Variants in SHISA9 observed in about 807,000 individuals in gnomAD.
SHISA9 encodes protein shisa-9.
A neutral mutation model predicts 38.0 loss-of-function variants in SHISA9; 13 were observed. The observed-to-expected ratio is 0.34, with a 90% CI of 0.22 to 0.54. SHISA9 has a LOEUF of 0.54. Ranked by LOEUF, SHISA9 falls within the 20% of genes least tolerant of loss-of-function variation. The pLI is 0.91. For synonymous variants in SHISA9, 275 were observed against 242.0 expected, an observed-to-expected ratio of 1.14 and a Z score of -1.27; for missense variants, 538 against 575.8, an observed-to-expected ratio of 0.93 and a Z score of 0.67.
chr16:13,122,689 T>C (rs1244366973), intron 2 of SHISA9, among the ~76,000 whole-genome samples: 1 of 152,212 alleles, frequency 6.6e-6, no homozygotes, highest in African/African-American at 2.4e-5. Context: ...GCACTGTGTT[T>C]GATGCATTAA....
At chr16:13,411,133 T>C in the SHISA9 span, among the ~76,000 whole-genome samples, 1 of 152,224 alleles carries the variant, frequency 6.6e-6, no homozygotes, top group East Asian at 1.9e-4. Context: ...ACTGGATGAT[T>C]TTAGCCAATC....
At chr16:13,131,197 A>C (rs892141623) in intron 2 of SHISA9, among the ~76,000 whole-genome samples, 5 of 152,360 alleles carry the variant, frequency 3.3e-5, no homozygotes, top group African/African-American at 1.2e-4. Context: ...ACAATAACAA[A>C]GACATGGAAT....
intron 1 of SHISA9, among the ~76,000 whole-genome samples, chr16:12,903,607 G>A (rs893248092): frequency 9.8e-5 from 15 of 152,322 alleles, no homozygotes; most frequent in Admixed American, 7.2e-4. Context: ...CTAAGCCCCC[G>A]GCCGCGGGAG....
At chr16:12,988,169 T>C (rs756659403) in intron 2 of SHISA9, among the ~76,000 whole-genome samples, 2 of 152,252 alleles carry the variant, frequency 1.3e-5, no homozygotes, top group African/African-American at 2.4e-5. Flanking sequence ...CAACAGGCAC[T>C]GTGACATTTC....
chr16:13,428,189 GTTTTTAT>G, the SHISA9 span, among the ~76,000 whole-genome samples: 1 of 81,730 alleles, frequency 1.2e-5, no homozygotes, highest in Admixed American at 1.8e-4. Flanking sequence ...ATATGGGATT[GTTTTTAT>G]TTGTTGTGGG....
chr16:13,209,283 A>G (rs560696518), intron 3 of SHISA9, among the ~76,000 whole-genome samples: 1 of 152,188 alleles, frequency 6.6e-6, no homozygotes, highest in Non-Finnish European at 1.5e-5. Flanking sequence ...AATTGCCCAC[A>G]TTTCATTTTG....
chr16:12,950,014 T>G (rs2071734330), intron 2 of SHISA9, among the ~76,000 whole-genome samples: 1 of 152,206 alleles, frequency 6.6e-6, no homozygotes, highest in South Asian at 2.1e-4. Context: ...TTTCCCCATT[T>G]CCACCTCCCC....
At chr16:13,220,290 G>A (rs151215530) in intron 4 of SHISA9, among the ~76,000 whole-genome samples, 13 of 152,232 alleles carry the variant, frequency 8.5e-5, no homozygotes, top group South Asian at 2.1e-4. Context: ...TCTGCTCCAT[G>A]TGCCTCATCC....
intron 2 of SHISA9, among the ~76,000 whole-genome samples, chr16:13,092,095 C>T (rs996862316): frequency 1.3e-5 from 2 of 152,188 alleles, no homozygotes; most frequent in Non-Finnish European, 1.5e-5. Flanking sequence ...GCTGGAATTC[C>T]ACTCCAGACC....
chr16:13,006,968 T>A (rs1293241418), intron 2 of SHISA9, among the ~76,000 whole-genome samples: 1 of 152,204 alleles, frequency 6.6e-6, no homozygotes, highest in Non-Finnish European at 1.5e-5. Context: ...TCTGTCACCC[T>A]CGACACCTTC....
chr16:12,941,231 A>T (rs568186016), intron 2 of SHISA9, among the ~76,000 whole-genome samples: 85 of 152,220 alleles, frequency 5.6e-4, no homozygotes, highest in South Asian at 4.6e-3. Flanking sequence ...TGTGCCTGTA[A>T]TCCTAGCTAC....
At chr16:13,356,707 G>T in the SHISA9 span, among the ~76,000 whole-genome samples, 6 of 152,092 alleles carry the variant, frequency 3.9e-5, no homozygotes, top group Non-Finnish European at 7.3e-5. Context: ...GTTCTGAGGG[G>T]ACAGGTGGGA....
intron 2 of SHISA9, among the ~76,000 whole-genome samples, chr16:12,933,039 A>G (rs1325104241): frequency 6.6e-6 from 1 of 152,150 alleles, no homozygotes; most frequent in Non-Finnish European, 1.5e-5. Flanking sequence ...GGGAATATAG[A>G]CCAAATTGAT....
the SHISA9 span, among the ~76,000 whole-genome samples, chr16:13,428,466 C>G: frequency 6.6e-6 from 1 of 152,286 alleles, no homozygotes; most frequent in South Asian, 2.1e-4. Flanking sequence ...GACACAAACT[C>G]TAAGTGGAGA....
At chr16:13,008,896 G>C (rs2072635314) in intron 2 of SHISA9, among the ~76,000 whole-genome samples, 2 of 152,034 alleles carry the variant, frequency 1.3e-5, no homozygotes, top group African/African-American at 4.8e-5. Context: ...ATGACTGACT[G>C]AGTGTAATAT....
chr16:13,477,524 G>A, the SHISA9 span, among the ~76,000 whole-genome samples: 2 of 152,292 alleles, frequency 1.3e-5, no homozygotes, highest in African/African-American at 4.8e-5. Context: ...GGGGAGGTGA[G>A]CCTGGAGAAA....
chr16:13,134,927 A>C (rs1384830275), intron 2 of SHISA9, among the ~76,000 whole-genome samples: 1 of 152,074 alleles, frequency 6.6e-6, no homozygotes, highest in Non-Finnish European at 1.5e-5. Context: ...GAGAGGGAAA[A>C]AGAGACCTGC....
the SHISA9 span, among the ~76,000 whole-genome samples, chr16:13,368,701 TTTGA>T: frequency 2.6e-5 from 4 of 151,020 alleles, no homozygotes; most frequent in Middle Eastern, 3.4e-3. Context: ...ATAAAATGCA[TTTGA>T]TTGGAGCAAT....
chr16:13,405,299 A>G, the SHISA9 span, among the ~76,000 whole-genome samples: 1 of 152,120 alleles, frequency 6.6e-6, no homozygotes, highest in African/African-American at 2.4e-5. Context: ...CCTTAATTAC[A>G]TGGGACCACA....
Sources: allele counts gnomAD v4.1 joint callset (sites outside exome capture counted in the v4.1 genomes callset), GRCh38; gene constraint gnomAD v4.1.1; transcripts MANE v1.5; gene names NCBI Gene and HGNC (gene_info 2026-07-23, HGNC 2026-07-21).